FRYL: variants seen among roughly 807,000 people sequenced by gnomAD.
The protein encoded by FRYL is FRY like transcription coactivator.
FRYL carries 150 observed loss-of-function variants against 351.2 expected under a neutral mutation model. That is an observed-to-expected ratio of 0.43 (90% CI 0.37 to 0.49). The LOEUF (loss-of-function observed/expected upper bound fraction) is 0.49. Ranked by LOEUF, FRYL falls within the 20% of genes least tolerant of loss-of-function variation. The pLI is 0.00. For synonymous variants in FRYL, 1,153 were observed against 1,257.1 expected, an observed-to-expected ratio of 0.92 and a Z score of 1.75; for missense variants, 3,036 against 3,619.3, an observed-to-expected ratio of 0.84 and a Z score of 4.13.
At chr4:48,593,792 AG>A (rs1245129934) in intron 16 of FRYL, 137 bp downstream of exon 16, 32 of 459,314 alleles carry the variant, frequency 7.0e-5, no homozygotes, top group African/African-American at 5.9e-4. Context: ...GCTATTAGAA[AG>A]GTTAAGTAAC....
At chr4:48,605,646 TC>T in intron 11 of FRYL, 94 bp downstream of exon 11, 1 of 823,914 alleles carries the variant, frequency 1.2e-6, no homozygotes. Flanking sequence ...CAGCTTATTG[TC>T]ATGTAAGTAT....
chr4:48,663,018 G>C (rs1028393584), intron 3 of FRYL, among the ~76,000 whole-genome samples: 1 of 152,068 alleles, frequency 6.6e-6, no homozygotes, highest in Non-Finnish European at 1.5e-5. Flanking sequence ...ATGAAAACTT[G>C]AATCTATACA....
chr4:48,709,155 C>T (rs953287121), intron 2 of FRYL, among the ~76,000 whole-genome samples: 7 of 151,782 alleles, frequency 4.6e-5, no homozygotes, highest in African/African-American at 1.5e-4. Context: ...CTCCTGACCT[C>T]GTGATCTGCC....
chr4:48,501,591 G>T, intron 62 of FRYL, 32 bp downstream of exon 62: 2 of 1,200,318 alleles, frequency 1.7e-6, no homozygotes, highest in Non-Finnish European at 2.5e-6. Flanking sequence ...TTTAGAATCA[G>T]TTACTGATGC....
At position 48,543,755 on chromosome 4, in the gene FRYL, C is replaced by A. The variant is rs368768703; in HGVS notation, c.5592+52G>T. Reference sequence around the variant, plus strand: ...ATAGCAATCTATATGGACAATAAATCCTTGACAACTAGTAGCTGCTCAATA... The same window carrying A: ...ATAGCAATCTATATGGACAATAAATACTTGACAACTAGTAGCTGCTCAATA... On this transcript the variant is annotated intron_variant, in intron 44 of 63. Coordinates refer to ENST00000358350, the MANE Select transcript of FRYL (RefSeq NM_015030.2). The A allele has an allele frequency of 2.0e-5, 30 of 1,511,288 alleles. No individual in the cohort carries two copies. The Admixed American group carries it at 5.1e-4, about 25-fold the overall frequency. The allele number at this position is 1,511,288 out of a possible 1,614,324, so 93.6% of individuals were successfully genotyped here.
intron 56 of FRYL, among the ~76,000 whole-genome samples, chr4:48,514,673 G>T (rs1352551741): frequency 6.6e-6 from 1 of 152,198 alleles, no homozygotes; most frequent in Non-Finnish European, 1.5e-5. Flanking sequence ...TCAAATTGTG[G>T]TATCACGGAA....
At chr4:48,684,051 C>T (rs1764924262) in intron 3 of FRYL, among the ~76,000 whole-genome samples, 1 of 152,168 alleles carries the variant, frequency 6.6e-6, no homozygotes, top group Admixed American at 6.6e-5. Context: ...GTTAACCTCA[C>T]CATTCTCAAC....
chr4:48,617,290 T>C (rs1264189092), intron 7 of FRYL, among the ~76,000 whole-genome samples: 1 of 150,570 alleles, frequency 6.6e-6, no homozygotes, highest in African/African-American at 2.4e-5. Flanking sequence ...GGGTCAGAAA[T>C]GATTTTGTGC....
chr4:48,518,484 C>T (rs1724138478), intron 55 of FRYL, among the ~76,000 whole-genome samples: 1 of 152,200 alleles, frequency 6.6e-6, no homozygotes, highest in African/African-American at 2.4e-5. Flanking sequence ...GTGTCAGGGA[C>T]TAGAACCTAC....
At chr4:48,647,496 T>G (rs775765322) in intron 3 of FRYL, among the ~76,000 whole-genome samples, 12 of 152,214 alleles carry the variant, frequency 7.9e-5, no homozygotes, top group Non-Finnish European at 1.3e-4. Context: ...ATTAGTAAAC[T>G]ATGTATTTAA....
At position 48,564,005 on chromosome 4, in the gene FRYL, C is replaced by T; in HGVS notation, c.3539G>A (p.Gly1180Asp). The T allele has an allele frequency of 1.2e-6, 2 of 1,614,200 alleles. No individual in the cohort carries two copies. Among genetic ancestry groups the T allele is most frequent in the Non-Finnish European group, 1.7e-6 (2 of 1,180,030 alleles). ...GCAGCCGGCCGCCACCCTCCCGGAG[C>T]CCGTGTAGCAGCGGTCCACAGCCCA... Reference protein sequence around the residue: ...MYWAVDRCYTGSGRVAAGCFK... With the variant: ...MYWAVDRCYTDSGRVAAGCFK... Residue 1180 changes from glycine to aspartate, a missense_variant, in exon 31 of 64, where the codon GGC (glycine) becomes GAC (aspartate). This residue lies in a region of FRYL where 1,987 missense variants were observed against 2,311.7 expected (regional missense o/e 0.86). Coordinates refer to ENST00000358350, the MANE Select transcript of FRYL (RefSeq NM_015030.2).
At chr4:48,765,864 A>C (rs1336271840) in intron 1 of FRYL, among the ~76,000 whole-genome samples, 1 of 152,256 alleles carries the variant, frequency 6.6e-6, no homozygotes, top group East Asian at 1.9e-4. Context: ...AGGAAGACAT[A>C]CAAACAGACC....
At chr4:48,552,569 C>T (rs1238606768) in intron 36 of FRYL, among the ~76,000 whole-genome samples, 1 of 152,016 alleles carries the variant, frequency 6.6e-6, no homozygotes, top group Non-Finnish European at 1.5e-5. Flanking sequence ...AACTTTATAA[C>T]TGTATTGGAT....
intron 13 of FRYL, among the ~76,000 whole-genome samples, chr4:48,601,242 C>A (rs187524563): frequency 6.6e-6 from 1 of 152,284 alleles, no homozygotes; most frequent in East Asian, 1.9e-4. Context: ...AATGGAATGT[C>A]ATGTCTGCAA....
At chr4:48,555,107 C>T (rs1435037466) in intron 35 of FRYL, among the ~76,000 whole-genome samples, 1 of 152,176 alleles carries the variant, frequency 6.6e-6, no homozygotes, top group Non-Finnish European at 1.5e-5. Context: ...AAAATAATAA[C>T]CAATAAATTA....
chr4:48,550,339 T>C (rs1013711391), intron 38 of FRYL, among the ~76,000 whole-genome samples: 4 of 152,206 alleles, frequency 2.6e-5, no homozygotes, highest in African/African-American at 7.2e-5. Context: ...ATTTGTTCTA[T>C]GATGCTTCCT....
chr4:48,656,374 C>CTAAAGATATTATATAATATATAT (rs1759091316), intron 3 of FRYL, among the ~76,000 whole-genome samples: 1 of 127,916 alleles, frequency 7.8e-6, no homozygotes, highest in Non-Finnish European at 1.6e-5. Context: ...ATAATATATA[C>CTAAAGATATTATATAATATATAT]TAAATATATA....
At chr4:48,544,974 C>G in intron 42 of FRYL, 70 bp from the exon 43 acceptor site, 1 of 1,476,916 alleles carries the variant, frequency 6.8e-7, no homozygotes, top group African/African-American at 1.4e-5. Context: ...TCACACTTGC[C>G]TAAATTACAC....
intron 63 of FRYL, 30 bp from the exon 64 acceptor site, chr4:48,499,710 G>T (rs1049280179): frequency 1.2e-6 from 2 of 1,605,408 alleles, no homozygotes; most frequent in Non-Finnish European, 1.7e-6. Context: ...TTTCAGTTCT[G>T]AGACTTAGGC....
Sources: gnomAD v4.1 joint callset for allele counts (sites outside exome capture counted in the v4.1 genomes callset) on GRCh38, gnomAD v4.1.1 for gene constraint, gnomAD v4.1.1 regional missense constraint, MANE v1.5 for transcripts, NCBI Gene and HGNC (gene_info 2026-07-23, HGNC 2026-07-21) for gene names.